ORC3: variants seen among roughly 807,000 people sequenced by gnomAD.
The protein encoded by ORC3 is origin recognition complex subunit 3.
A neutral mutation model predicts 100.7 loss-of-function variants in ORC3; 78 were observed. That is an observed-to-expected ratio of 0.77 (90% CI 0.65 to 0.94). The LOEUF is 0.94. Among genes scored for constraint, ORC3 ranks in the 40% least tolerant of loss-of-function variants. ORC3 has a pLI of 0.00. For missense variants in ORC3, 789 were observed against 823.9 expected, an observed-to-expected ratio of 0.96 and a Z score of 0.52; for synonymous variants, 295 against 289.3, an observed-to-expected ratio of 1.02 and a Z score of -0.20.
At chr6:87,621,853 G>A in intron 10 of ORC3, 97 bp from the exon 11 acceptor site, 1 of 778,594 alleles carries the variant, frequency 1.3e-6, no homozygotes, top group Admixed American at 2.5e-5. Context: ...AAAAAAATGT[G>A]GCTACCAATC....
chr6:87,671,224 A>T (rs1223732856), downstream of ORC3, among the ~76,000 whole-genome samples: 1 of 152,176 alleles, frequency 6.6e-6, no homozygotes, highest in East Asian at 1.9e-4. Flanking sequence ...ATGAGGCAAA[A>T]CAAAGACCGG....
At chr6:87,670,311 G>A (rs1360029439), downstream of ORC3, among the ~76,000 whole-genome samples, 1 of 152,104 alleles carries the variant, frequency 6.6e-6, no homozygotes, top group Non-Finnish European at 1.5e-5. Flanking sequence ...GACCACAGGT[G>A]TGTGCCACCA....
rs1768812691 is a variant in ORC3 at position 87,646,632 on chromosome 6, C to T, written c.1383-6484C>T. Among the ~76,000 whole-genome samples, 6 of 152,300 alleles carry T rather than the reference C, an allele frequency of 3.9e-5. No individual in the cohort carries two copies. In the South Asian group the frequency reaches 1.2e-3, roughly 32 times the overall value. ...AAATCTAGCATTAACCTGTTATCAG[C>T]ATTTGACTACAGTTCATCACTCCCT... On this transcript the variant is annotated intron_variant, in intron 13 of 19. Coordinates refer to ENST00000392844, the MANE Select transcript of ORC3 (RefSeq NM_012381.4).
At chr6:87,605,788 T>G (rs898167357) in intron 4 of ORC3, 129 bp from the exon 5 acceptor site, 2 of 584,374 alleles carry the variant, frequency 3.4e-6, no homozygotes, top group East Asian at 5.8e-5. Context: ...ATATAGTATA[T>G]TTCCTTGGTT....
rs547732006 is a variant in ORC3 at position 87,595,984 on chromosome 6, C to T, written c.79+1577C>T. ...CCAAGTACCTGGGACTACAGGCATGCGCTACGACGCCTGGCTAATTATTTT... is the reference window on the plus strand; with the variant it reads ...CCAAGTACCTGGGACTACAGGCATGTGCTACGACGCCTGGCTAATTATTTT... On this transcript the variant is annotated intron_variant, in intron 2 of 19. Transcript: ENST00000392844. Among the ~76,000 whole-genome samples the T allele has an allele frequency of 7.9e-5, 12 of 151,626 alleles. No individual in the cohort carries two copies. The South Asian group carries it at 2.1e-3, about 26-fold the overall frequency.
rs187461618 is a variant in ORC3 at position 87,613,730 on chromosome 6, G to A, written c.873+1482G>A. ...GCCCCATGCAAATCTGAAATCCAGCGAGGTAGTCAAGTCTTACAGCTCCAG... is the reference window on the plus strand; with the variant it reads ...GCCCCATGCAAATCTGAAATCCAGCAAGGTAGTCAAGTCTTACAGCTCCAG... On this transcript the variant is annotated intron_variant, in intron 8 of 19. Coordinates refer to ENST00000392844, the MANE Select transcript of ORC3 (RefSeq NM_012381.4). 5.4e-4 allele frequency among the ~76,000 whole-genome samples: 82 copies of A among 152,282 alleles called. 1 individual carries two copies. The highest frequency in any genetic ancestry group is 1.8e-3 in the African/African-American group (76 of 41,568).
intron 16 of ORC3, 146 bp from the exon 17 acceptor site, chr6:87,662,857 T>C (rs1343837002): frequency 2.6e-6 from 1 of 389,252 alleles, no homozygotes; most frequent in East Asian, 4.7e-5. Flanking sequence ...AGTAAATGGT[T>C]CAGTCCTCTA....
chr6:87,624,122 C>A (rs567256224), intron 11 of ORC3, among the ~76,000 whole-genome samples: 1 of 151,958 alleles, frequency 6.6e-6, no homozygotes, highest in African/African-American at 2.4e-5. Context: ...AGATTTGTAC[C>A]CTTACCCTGA....
chr6:87,643,260 G>A lies in ORC3; in HGVS notation c.1382+6774G>A, dbSNP rs7757744. On this transcript the variant is annotated intron_variant, in intron 13 of 19. Transcript: ENST00000392844. ...AGGTCAGAGAATTAGCTGAGATATT[G>A]ATCATTTCAGCTCTTTCCCCAGAGC... Among the ~76,000 whole-genome samples, 378 of 152,292 alleles carry A rather than the reference G, an allele frequency of 2.5e-3. 1 individual carries two copies. Among genetic ancestry groups the A allele is most frequent in the African/African-American group, 8.1e-3 (336 of 41,564 alleles).
At chr6:87,651,580 T>C (rs1379671213) in intron 13 of ORC3, among the ~76,000 whole-genome samples, 1 of 152,178 alleles carries the variant, frequency 6.6e-6, no homozygotes, top group Non-Finnish European at 1.5e-5. Flanking sequence ...AGATAATTAT[T>C]GTAGAAAGAG....
At chr6:87,599,084 T>C (rs1777684709) in intron 2 of ORC3, among the ~76,000 whole-genome samples, 1 of 152,166 alleles carries the variant, frequency 6.6e-6, no homozygotes, top group African/African-American at 2.4e-5. Flanking sequence ...AGTGAGAGCT[T>C]ATATTCTTCA....
intron 13 of ORC3, among the ~76,000 whole-genome samples, 165 bp from the exon 14 acceptor site, chr6:87,652,951 G>A (rs1160410581): frequency 2.0e-5 from 3 of 152,178 alleles, no homozygotes; most frequent in Non-Finnish European, 4.4e-5. Context: ...TCTTCTGAAT[G>A]TCACATATAT....
intron 11 of ORC3, among the ~76,000 whole-genome samples, chr6:87,626,310 A>G (rs1482190994): frequency 6.6e-6 from 1 of 152,144 alleles, no homozygotes; most frequent in Non-Finnish European, 1.5e-5. Flanking sequence ...GATTCTTCCT[A>G]TCCATGAGCA....
intron 2 of ORC3, among the ~76,000 whole-genome samples, chr6:87,597,706 CACACAT>C (rs904493070): frequency 6.0e-5 from 9 of 150,168 alleles, no homozygotes; most frequent in South Asian, 2.1e-4. Flanking sequence ...CACACACACA[CACACAT>C]ATATATATAA....
At chr6:87,661,549 A>G (rs956870019) in intron 16 of ORC3, among the ~76,000 whole-genome samples, 5 of 152,188 alleles carry the variant, frequency 3.3e-5, no homozygotes, top group Non-Finnish European at 2.9e-5. Context: ...GCTCCTGGCC[A>G]CATCGGGACA....
chr6:87,621,629 T>G (rs1779537568), intron 10 of ORC3, 142 bp downstream of exon 10: 2 of 686,370 alleles, frequency 2.9e-6, no homozygotes, highest in Non-Finnish European at 4.5e-6. Flanking sequence ...CTTGTTGGAT[T>G]TGAAAATTTG....
chr6:87,593,121 A>C (rs564304590), intron 1 of ORC3, among the ~76,000 whole-genome samples: 50 of 152,070 alleles, frequency 3.3e-4, no homozygotes, highest in Non-Finnish European at 6.5e-4. Flanking sequence ...ACAAAAAAAA[A>C]CTATAAGCTA....
chr6:87,631,568 C>G (rs183783739), intron 11 of ORC3, among the ~76,000 whole-genome samples: 1 of 152,092 alleles, frequency 6.6e-6, no homozygotes, highest in Admixed American at 6.5e-5. Flanking sequence ...TCTTGGCTCA[C>G]GGCAACCTCC....
chr6:87,655,591 A>C (rs1478763061), intron 14 of ORC3, among the ~76,000 whole-genome samples: 1 of 151,824 alleles, frequency 6.6e-6, no homozygotes, highest in South Asian at 2.1e-4. Flanking sequence ...GGGTTCAAGC[A>C]ATCTGCCTGC....
Sources: allele counts gnomAD v4.1 joint callset (sites outside exome capture counted in the v4.1 genomes callset), GRCh38; gene constraint gnomAD v4.1.1; transcripts MANE v1.5; gene names NCBI Gene and HGNC (gene_info 2026-07-23, HGNC 2026-07-21).